Variants in TRIM38 observed in about 807,000 individuals in gnomAD.
TRIM38 encodes the protein E3 ubiquitin-protein ligase TRIM38.
In TRIM38, 35 loss-of-function variants were observed where a neutral mutation model predicts 35.8. The ratio of observed to expected loss-of-function variants is 0.98; its 90% CI spans 0.75 to 1.30. The LOEUF (loss-of-function observed/expected upper bound fraction) is 1.30, where lower values mean the gene tolerates loss of function less well. Among genes scored for constraint, TRIM38 ranks in the 50% most tolerant of loss-of-function variants. The pLI is 0.00. For synonymous variants in TRIM38, 198 were observed against 204.7 expected (o/e 0.97, Z 0.28); for missense variants, 545 against 556.9 (o/e 0.98, Z 0.21).
intron 2 of TRIM38, among the ~76,000 whole-genome samples, chr6:25,964,660 A>G (rs1158197794): frequency 6.6e-6 from 1 of 152,080 alleles, no homozygotes; most frequent in Non-Finnish European, 1.5e-5. Context: ...GCATCTGCTG[A>G]TCTCTAAGGG....
intron 7 of TRIM38, among the ~76,000 whole-genome samples, chr6:25,977,113 GT>G (rs1407548405): frequency 1.3e-5 from 2 of 152,142 alleles, no homozygotes; most frequent in South Asian, 2.1e-4. Context: ...TTTTCATCCT[GT>G]TTTTTGATAA....
Position 25,985,905 on chromosome 6 carries a change from C to T in TRIM38, c.*2218C>T, listed in dbSNP as rs1179260707. The T allele has an allele frequency of 6.6e-6, 1 of 151,874 alleles. No individual in the cohort carries two copies. Among genetic ancestry groups the T allele is most frequent in the Non-Finnish European group, 1.5e-5 (1 of 67,970 alleles). The allele number at this position is 151,874 out of a possible 1,614,324, so 9.4% of individuals were successfully genotyped here. The stretch of plus-strand genomic sequence containing the variant: ...TAAGAAAGAATGATAATAAAATAAA[C>T]AATTAAATAAAAGTTTTAAAAAATG... On this transcript the variant is annotated 3_prime_UTR_variant, in exon 8 of 8. Coordinates refer to ENST00000357085, the MANE Select transcript of TRIM38 (RefSeq NM_006355.5).
At chr6:25,980,037 A>G (rs1561902005) in intron 7 of TRIM38, among the ~76,000 whole-genome samples, 1 of 152,206 alleles carries the variant, frequency 6.6e-6, no homozygotes, top group Admixed American at 6.5e-5. Context: ...ATACAGATTT[A>G]TTGAAACTTG....
chr6:25,975,250 C>A, intron 7 of TRIM38: 1 of 548,228 alleles, frequency 1.8e-6, no homozygotes, highest in Non-Finnish European at 2.3e-6. Context: ...CTCGCTGTTA[C>A]CCAGGCTGGC....
intron 5 of TRIM38, among the ~76,000 whole-genome samples, chr6:25,972,832 C>T (rs564812189): frequency 6.2e-4 from 94 of 152,334 alleles, no homozygotes; most frequent in Admixed American, 9.8e-4. Flanking sequence ...TCCTGCCATG[C>T]TGAATCTCCC....
chr6:25,969,446 A>G, intron 4 of TRIM38, 26 bp downstream of exon 4: 1 of 1,577,484 alleles, frequency 6.3e-7, no homozygotes, highest in Non-Finnish European at 8.7e-7. Context: ...CATTGATCTC[A>G]AGCTATTTTC....
At chr6:25,967,547 TTTTCC>T (rs1760097457) in intron 3 of TRIM38, among the ~76,000 whole-genome samples, 1 of 95,550 alleles carries the variant, frequency 1.0e-5, no homozygotes, top group Non-Finnish European at 2.0e-5. Flanking sequence ...TTTTTTTTTT[TTTTCC>T]TGAGGTAGGG....
chr6:25,975,937 C>T (rs56195001), intron 7 of TRIM38, among the ~76,000 whole-genome samples: 14,251 of 152,038 alleles, frequency 0.094, 708 homozygotes, highest in African/African-American at 0.12. Context: ...CTGGGATTGC[C>T]GAGGTTGTTG....
intron 7 of TRIM38, chr6:25,973,857 G>T: frequency 1.0e-6 from 1 of 985,278 alleles, no homozygotes; most frequent in Non-Finnish European, 1.2e-6. Flanking sequence ...TGAGTTTCCT[G>T]CTCCCTTGAT....
intron 3 of TRIM38, among the ~76,000 whole-genome samples, chr6:25,967,536 TTTTTTTTTTTTTTTC>T (rs897642947): frequency 7.6e-5 from 5 of 65,660 alleles, no homozygotes; most frequent in African/African-American, 3.8e-4. Flanking sequence ...TTTTTTTTTT[TTTTTTTTTTTTTTTC>T]CTGAGGTAGG....
Position 25,975,650 on chromosome 6 carries a change from C to A in TRIM38, c.874+2365C>A. Reference sequence around the variant, plus strand: ...TAAGGAGAAAGTTCAAGGTTTTTCCCACCCGTCTCCAATCTGACTTCTCTA... The same window carrying A: ...TAAGGAGAAAGTTCAAGGTTTTTCCAACCCGTCTCCAATCTGACTTCTCTA... On this transcript the variant is annotated intron_variant, in intron 7 of 7. Coordinates refer to ENST00000357085, the MANE Select transcript of TRIM38 (RefSeq NM_006355.5). The A allele has an allele frequency of 9.2e-6, 9 of 980,320 alleles. No homozygotes were observed. In the South Asian group the frequency reaches 3.3e-4, roughly 36 times the overall value. 60.7% of individuals were successfully genotyped at this position (980,320 alleles called of 1,614,324 possible).
Position 25,990,739 on chromosome 6 carries a change from T to A in TRIM38, c.*7052T>A, listed in dbSNP as rs1760813310. ...AAAATGAAAATAATCAGTATTTCAA[T>A]TTAATTACTAATTATAATTCACAGT... On this transcript the variant is annotated 3_prime_UTR_variant, in exon 8 of 8. Transcript: ENST00000357085. The A allele has an allele frequency of 6.6e-6, 1 of 151,850 alleles. No individual in the cohort carries two copies. Among genetic ancestry groups the A allele is most frequent in the Admixed American group, 6.6e-5 (1 of 15,266 alleles). The allele number at this position is 151,850 out of a possible 1,614,324, so 9.4% of individuals were successfully genotyped here. A position where few individuals can be genotyped will look rare whatever the true frequency, so the allele number is the denominator to read the frequency against.
intron 5 of TRIM38, 107 bp downstream of exon 5, chr6:25,972,206 A>G: frequency 1.0e-6 from 1 of 961,634 alleles, no homozygotes; most frequent in East Asian, 2.6e-5. Context: ...TTAGATGTAC[A>G]TCAGTGCCAT....
At chr6:25,965,408 A>C (rs1196106883) in intron 2 of TRIM38, among the ~76,000 whole-genome samples, 1 of 152,220 alleles carries the variant, frequency 6.6e-6, no homozygotes, top group Non-Finnish European at 1.5e-5. Flanking sequence ...TGTATTAGCT[A>C]TACAGCTAGA....
At chr6:25,978,930 C>T (rs975447046) in intron 7 of TRIM38, among the ~76,000 whole-genome samples, 2 of 152,116 alleles carry the variant, frequency 1.3e-5, no homozygotes, top group East Asian at 1.9e-4. Flanking sequence ...AGCCTCCCAA[C>T]GTGCTGGGAT....
intron 7 of TRIM38, among the ~76,000 whole-genome samples, chr6:25,977,360 G>T (rs1313797275): frequency 6.6e-6 from 1 of 152,146 alleles, no homozygotes; most frequent in Non-Finnish European, 1.5e-5. Context: ...CTGGGCAACA[G>T]AGCTAGACCC....
chr6:25,966,770 C>A lies in TRIM38; in HGVS notation c.248C>A (p.Ala83Asp). The A allele has an allele frequency of 2.5e-6, 4 of 1,614,212 alleles. No individual in the cohort carries two copies. The highest frequency in any genetic ancestry group is 3.4e-6 in the Non-Finnish European group (4 of 1,180,034). ...PNKQLGSLIE[A>D]LKETDQEMSC... ...AAGCAGCTGGGAAGCCTCATTGAAG[C>A]CCTCAAAGAGACGGATCAAGAAATG... The change falls in exon 3 of 8, where the codon GCC becomes GAC. Residue 83 changes from alanine to aspartate, a missense_variant. Physicochemically the swap from Ala to Asp is moderately radical, Grantham distance 126. Transcript: ENST00000357085.
Position 25,988,757 on chromosome 6 carries a change from C to T in TRIM38, c.*5070C>T, listed in dbSNP as rs1295395469. On this transcript the variant is annotated 3_prime_UTR_variant, in exon 8 of 8. Transcript: ENST00000357085. ...CCAAAGTGAATGCATTTCTTTTTAACTCTAAATAACATTCCATTATTCAGA... is the reference window on the plus strand; with the variant it reads ...CCAAAGTGAATGCATTTCTTTTTAATTCTAAATAACATTCCATTATTCAGA... 1 of 152,128 alleles carries T rather than the reference C, an allele frequency of 6.6e-6. No homozygotes were observed. The highest frequency in any genetic ancestry group is 1.9e-4 in the East Asian group (1 of 5,188). The allele number at this position is 152,128 out of a possible 1,614,324, so 9.4% of individuals were successfully genotyped here. A position where few individuals can be genotyped will look rare whatever the true frequency, so the allele number is the denominator to read the frequency against.
Position 25,983,312 on chromosome 6 carries a change from C to A in TRIM38, c.1023C>A (p.Gly341=). The part of the protein sequence containing the change: ...TAFPCVLGCE[G]FTSGRRYFEV... ...TCCCCTGTGTCTTGGGTTGTGAAGGCTTCACCTCAGGAAGACGTTACTTTG... is the reference window on the plus strand; with the variant it reads ...TCCCCTGTGTCTTGGGTTGTGAAGGATTCACCTCAGGAAGACGTTACTTTG... Residue 341 remains glycine (G), a synonymous_variant, in exon 8 of 8, where the codon GGC becomes GGA. Coordinates refer to ENST00000357085, the MANE Select transcript of TRIM38 (RefSeq NM_006355.5). 6.2e-7 allele frequency: 1 copy of A among 1,614,116 alleles called. No individual in the cohort carries two copies. The highest frequency in any genetic ancestry group is 8.5e-7 in the Non-Finnish European group (1 of 1,180,018).
Sources: gnomAD v4.1 joint callset for allele counts (sites outside exome capture counted in the v4.1 genomes callset) on GRCh38, gnomAD v4.1.1 for gene constraint, MANE v1.5 for transcripts, NCBI Gene and HGNC (gene_info 2026-07-23, HGNC 2026-07-21) for gene names.